The following TAX1BP1 variants were observed in gnomAD, a reference collection of about 807,000 sequenced individuals.
TAX1BP1 encodes the protein tax1-binding protein 1.
TAX1BP1 carries 62 observed loss-of-function variants against 97.7 expected under a neutral mutation model. The ratio of observed to expected loss-of-function variants is 0.63; its 90% CI spans 0.52 to 0.78. The LOEUF (loss-of-function observed/expected upper bound fraction) is 0.78, where lower values mean the gene tolerates loss of function less well. TAX1BP1 is among the 30% of genes least tolerant of loss of function. The pLI is 0.00. For synonymous variants in TAX1BP1, 340 were observed against 304.2 expected, an observed-to-expected ratio of 1.12 and a Z score of -1.23; for missense variants, 867 against 916.1, an observed-to-expected ratio of 0.95 and a Z score of 0.69.
At position 27,814,843 on chromosome 7, in the gene TAX1BP1, C is replaced by CT. The variant is rs372877138; in HGVS notation, c.1765-1503dup. Among the ~76,000 whole-genome samples, 115 of 152,096 alleles carry CT rather than the reference C, an allele frequency of 7.6e-4. 1 individual carries two copies. The highest frequency in any genetic ancestry group is 2.7e-3 in the African/African-American group (113 of 41,502). ...CTCCATCTCCCAGGTTCAAGCAATT[C>CT]TTTCTGCCTCAGCCTCCTGAGTAGC... On this transcript the variant is annotated intron_variant, in intron 13 of 16. Transcript: ENST00000396319.
intron 10 of TAX1BP1, 129 bp downstream of exon 10, chr7:27,793,341 C>T: frequency 1.2e-6 from 1 of 851,132 alleles, no homozygotes; most frequent in South Asian, 2.5e-5. Context: ...AAGTCATTGG[C>T]CAAATATTGT....
At chr7:27,750,443 A>G (rs949918928) in intron 2 of TAX1BP1, among the ~76,000 whole-genome samples, 1 of 152,232 alleles carries the variant, frequency 6.6e-6, no homozygotes, top group East Asian at 1.9e-4. Context: ...GGTCTCAAGC[A>G]TTTCGGATAA....
At position 27,812,068 on chromosome 7, in the gene TAX1BP1, G is replaced by T. The variant is rs1293001220; in HGVS notation, c.1765-4281G>T. Among the ~76,000 whole-genome samples, 4 of 152,272 alleles carry T rather than the reference G, an allele frequency of 2.6e-5. No individual in the cohort carries two copies. In the East Asian group the frequency reaches 7.7e-4, roughly 29 times the overall value. ...AGTGTATGTTTTTAATGAAACGGCC[G>T]AATTGTTTTTACAAAGTGGCTGTAC... On this transcript the variant is annotated intron_variant, in intron 13 of 16. Transcript: ENST00000396319.
At chr7:27,808,926 A>G (rs140583586) in intron 13 of TAX1BP1, among the ~76,000 whole-genome samples, 54 of 152,306 alleles carry the variant, frequency 3.5e-4, no homozygotes, top group African/African-American at 1.3e-3. Context: ...ATTCTTGACC[A>G]TTTTTGTTTC....
At chr7:27,763,216 C>G (rs1788496027) in intron 3 of TAX1BP1, among the ~76,000 whole-genome samples, 1 of 152,162 alleles carries the variant, frequency 6.6e-6, no homozygotes, top group African/African-American at 2.4e-5. Flanking sequence ...AAACATCTAA[C>G]AATACCTAAA....
At chr7:27,803,692 A>G (rs921095710) in intron 13 of TAX1BP1, among the ~76,000 whole-genome samples, 1 of 152,226 alleles carries the variant, frequency 6.6e-6, no homozygotes, top group African/African-American at 2.4e-5. Flanking sequence ...AGAAAAAAAA[A>G]GCCAGTTGCA....
intron 8 of TAX1BP1, among the ~76,000 whole-genome samples, chr7:27,791,021 C>G (rs566225964): frequency 1.3e-5 from 2 of 151,994 alleles, no homozygotes; most frequent in Non-Finnish European, 2.9e-5. Flanking sequence ...TCCTTATTGA[C>G]TAGAAAAGTT....
intron 13 of TAX1BP1, among the ~76,000 whole-genome samples, chr7:27,811,605 C>G (rs1378079008): frequency 6.6e-6 from 1 of 150,598 alleles, no homozygotes; most frequent in Non-Finnish European, 1.5e-5. Context: ...TTTAACAGCT[C>G]TGTTAAGGTG....
chr7:27,749,469 G>A (rs1259722553), intron 2 of TAX1BP1, among the ~76,000 whole-genome samples: 1 of 152,120 alleles, frequency 6.6e-6, no homozygotes, highest in African/African-American at 2.4e-5. Flanking sequence ...ATTTTTATGG[G>A]CTTGAAATTT....
At chr7:27,767,028 G>A (rs886256170) in intron 4 of TAX1BP1, among the ~76,000 whole-genome samples, 3 of 151,996 alleles carry the variant, frequency 2.0e-5, no homozygotes, top group Non-Finnish European at 2.9e-5. Context: ...CTATGTAGAT[G>A]GTCTAATAAT....
At chr7:27,753,224 C>A (rs1788086818) in intron 2 of TAX1BP1, among the ~76,000 whole-genome samples, 1 of 152,136 alleles carries the variant, frequency 6.6e-6, no homozygotes, top group South Asian at 2.1e-4. Flanking sequence ...CGCTTGAACC[C>A]AGGAGGTGGA....
At chr7:27,790,274 A>T (rs2128317479) in intron 8 of TAX1BP1, among the ~76,000 whole-genome samples, 1 of 151,994 alleles carries the variant, frequency 6.6e-6, no homozygotes, top group East Asian at 1.9e-4. Context: ...TCATTTAACA[A>T]CTGTGTAGTA....
At chr7:27,751,748 T>C (rs1788026275) in intron 2 of TAX1BP1, among the ~76,000 whole-genome samples, 1 of 152,028 alleles carries the variant, frequency 6.6e-6, no homozygotes, top group Non-Finnish European at 1.5e-5. Context: ...GGAATGAAGA[T>C]GGGAAAGTAG....
At chr7:27,818,446 A>G (rs1178501555) in intron 15 of TAX1BP1, among the ~76,000 whole-genome samples, 1 of 152,214 alleles carries the variant, frequency 6.6e-6, no homozygotes, top group Non-Finnish European at 1.5e-5. Context: ...AAGTAATTTT[A>G]GTAAGAATAT....
At chr7:27,806,648 G>A (rs1467643406) in intron 13 of TAX1BP1, among the ~76,000 whole-genome samples, 1 of 152,028 alleles carries the variant, frequency 6.6e-6, no homozygotes, top group Non-Finnish European at 1.5e-5. Context: ...TGTTTTAATT[G>A]TAAGAACTTT....
At chr7:27,827,875 A>C in intron 16 of TAX1BP1, 55 bp downstream of exon 16, 1 of 1,524,428 alleles carries the variant, frequency 6.6e-7, no homozygotes, top group Non-Finnish European at 9.0e-7. Flanking sequence ...GTGGTTCTCA[A>C]AGGTGGTCCT....
intron 3 of TAX1BP1, among the ~76,000 whole-genome samples, chr7:27,763,304 T>A (rs1788499293): frequency 6.6e-6 from 1 of 152,208 alleles, no homozygotes; most frequent in South Asian, 2.1e-4. Flanking sequence ...CTGTAAAATT[T>A]GACTCGAAAA....
Position 27,748,642 on chromosome 7 carries a change from C to T in TAX1BP1, c.118C>T (p.Pro40Ser). The T allele has an allele frequency of 6.3e-7, 1 of 1,580,780 alleles. No individual in the cohort carries two copies. The highest frequency in any genetic ancestry group is 8.6e-7 in the Non-Finnish European group (1 of 1,161,196). ...AHLECHYTLT[P>S]YIHPHPKDWV... ...CCTGGAATGTCATTACACCTTAACTCCATATATTCATCCACATCCAAAAGA... is the reference window on the plus strand; with the variant it reads ...CCTGGAATGTCATTACACCTTAACTTCATATATTCATCCACATCCAAAAGA... Residue 40 changes from proline (P) to serine (S), a missense_variant, in exon 2 of 17, where the codon CCA (proline) becomes TCA (serine). Pro to Ser is a moderately conservative substitution (Grantham distance 74, BLOSUM62 -1). Coordinates refer to ENST00000396319, the MANE Select transcript of TAX1BP1 (RefSeq NM_006024.7).
intron 2 of TAX1BP1, among the ~76,000 whole-genome samples, chr7:27,754,712 A>C (rs1475348341): frequency 1.3e-5 from 2 of 152,066 alleles, no homozygotes; most frequent in Non-Finnish European, 2.9e-5. Context: ...AGCTGGGACT[A>C]CAGGCACCCG....
Sources: gnomAD v4.1 joint callset for allele counts (sites outside exome capture counted in the v4.1 genomes callset) on GRCh38, gnomAD v4.1.1 for gene constraint, MANE v1.5 for transcripts, NCBI Gene and HGNC (gene_info 2026-07-23, HGNC 2026-07-21) for gene names.